The following TENM4 variants were observed in gnomAD, a reference collection of about 807,000 sequenced individuals.
The protein encoded by TENM4 is teneurin-4.
In TENM4, 82 loss-of-function variants were observed where a neutral mutation model predicts 243.3. That is an observed-to-expected ratio of 0.34 (90% CI 0.28 to 0.40). The LOEUF (loss-of-function observed/expected upper bound fraction) is 0.40, where lower values mean the gene tolerates loss of function less well. TENM4 is among the 10% of genes least tolerant of loss of function. The pLI, the probability that TENM4 is intolerant of heterozygous loss-of-function variation, is 1.00. For synonymous variants in TENM4, 1,412 were observed against 1,456.3 expected (o/e 0.97, Z 0.69); for missense variants, 3,138 against 3,673.3 (o/e 0.85, Z 3.77).
At chr11:78,780,492 A>G (rs1004202929) in intron 16 of TENM4, among the ~76,000 whole-genome samples, 9 of 151,672 alleles carry the variant, frequency 5.9e-5, no homozygotes, top group African/African-American at 2.2e-4. Flanking sequence ...GTGAGCCTAG[A>G]TTTTTTTTTC....
At chr11:78,704,113 C>CTA (rs772160605) in intron 27 of TENM4, among the ~76,000 whole-genome samples, 163 of 124,598 alleles carry the variant, frequency 1.3e-3, no homozygotes, top group African/African-American at 3.2e-3. Context: ...GTGTGTGTGT[C>CTA]TATATATATA....
intron 6 of TENM4, among the ~76,000 whole-genome samples, chr11:78,979,687 C>G (rs976022275): frequency 6.6e-6 from 1 of 152,124 alleles, no homozygotes; most frequent in Non-Finnish European, 1.5e-5. Flanking sequence ...ACTCCAAGTA[C>G]TAAGAGTTGA....
chr11:79,362,456 C>T (rs1285035257), intron 1 of TENM4, among the ~76,000 whole-genome samples: 1 of 152,176 alleles, frequency 6.6e-6, no homozygotes, highest in Non-Finnish European at 1.5e-5. Flanking sequence ...TATAATGGAG[C>T]TAAATTGAAG....
At chr11:79,363,299 T>C (rs1857622166) in intron 1 of TENM4, among the ~76,000 whole-genome samples, 1 of 152,220 alleles carries the variant, frequency 6.6e-6, no homozygotes, top group South Asian at 2.1e-4. Context: ...GCCCACTTGC[T>C]CCATCTGCCC....
chr11:79,338,786 G>GTCCCGGCTGGACCTAGGTTCAAAA (rs1857194105), intron 1 of TENM4, among the ~76,000 whole-genome samples: 1 of 152,188 alleles, frequency 6.6e-6, no homozygotes, highest in African/African-American at 2.4e-5. Context: ...TAGGTTCAAA[G>GTCCCGGCTGGACCTAGGTTCAAAA]TCCCAGCTGA....
At chr11:79,388,338 C>G (rs1858159040) in intron 1 of TENM4, among the ~76,000 whole-genome samples, 1 of 152,146 alleles carries the variant, frequency 6.6e-6, no homozygotes, top group Admixed American at 6.5e-5. Context: ...TTTTCAGCAG[C>G]AAAATTCTTC....
At position 78,669,193 on chromosome 11, in the gene TENM4, G is replaced by A. The variant is rs987831715; in HGVS notation, c.7152C>T (p.Ala2384=). The part of the protein sequence containing the change: ...GLMIKQILYT[A]YGEIYMDTNP... ...TGGTATCCATGTAGATCTCCCCATA[G>A]GCTGTGTACAGGATTTGCTTGATCA... Residue 2384 remains alanine, a synonymous_variant, in exon 32 of 34, where the codon GCC becomes GCT. Coordinates refer to ENST00000278550, the MANE Select transcript of TENM4 (RefSeq NM_001098816.3). This position sits in a 1 kb window ranked among gnomAD's most constrained non-coding sequence, Gnocchi z 6.4. 6.2e-7 allele frequency: 1 copy of A among 1,612,522 alleles called. No homozygotes were observed. Among genetic ancestry groups the A allele is most frequent in the African/African-American group, 1.3e-5 (1 of 74,360 alleles).
chr11:78,973,133 T>C (rs1857579441), intron 6 of TENM4, among the ~76,000 whole-genome samples: 1 of 152,280 alleles, frequency 6.6e-6, no homozygotes, highest in Non-Finnish European at 1.5e-5. Context: ...TTATCCATAA[T>C]GCTGCTGCAA....
At position 78,658,659 on chromosome 11, in the gene TENM4, AC is replaced by A; in HGVS notation, c.7708del (p.Val2570SerfsTer5). On this transcript the variant is annotated frameshift_variant, in exon 34 of 34. Coordinates refer to ENST00000278550, the MANE Select transcript of TENM4 (RefSeq NM_001098816.3). LOFTEE classifies it high-confidence loss of function. The stretch of plus-strand genomic sequence containing the variant: ...TCGGCCATCCTTCAAGGCAAACTTG[AC>A]CCCCTTGCCAAAGACTGAGCCGCTG... ...ASSGSVFGKG[V>X]KFALKDGRVT... 1 of 1,613,716 alleles carries A rather than the reference AC, an allele frequency of 6.2e-7. No homozygotes were observed. The highest frequency in any genetic ancestry group is 1.1e-5 in the South Asian group (1 of 91,056).
At chr11:78,782,096 G>A (rs1565376539) in intron 16 of TENM4, among the ~76,000 whole-genome samples, 1 of 152,214 alleles carries the variant, frequency 6.6e-6, no homozygotes, top group South Asian at 2.1e-4. Flanking sequence ...TATACCTCAT[G>A]AGTGATTTGT....
At chr11:79,046,451 C>A (rs972346856) in intron 6 of TENM4, among the ~76,000 whole-genome samples, 2 of 149,234 alleles carry the variant, frequency 1.3e-5, no homozygotes, top group Admixed American at 6.6e-5. Flanking sequence ...AACTCTCCCC[C>A]CCAAAAAAAC....
chr11:79,043,971 C>G (rs565732522), intron 6 of TENM4, among the ~76,000 whole-genome samples: 1 of 152,074 alleles, frequency 6.6e-6, no homozygotes, highest in Non-Finnish European at 1.5e-5. Flanking sequence ...CATATTTTGC[C>G]GGTTTTGCAC....
intron 3 of TENM4, among the ~76,000 whole-genome samples, chr11:79,201,084 A>G (rs1365056303): frequency 6.6e-6 from 1 of 152,216 alleles, no homozygotes; most frequent in East Asian, 1.9e-4. Flanking sequence ...ATTAGGACTC[A>G]TGGACATTAG....
At chr11:78,696,549 G>A (rs1858969081) in intron 28 of TENM4, among the ~76,000 whole-genome samples, 1 of 152,182 alleles carries the variant, frequency 6.6e-6, no homozygotes, top group African/African-American at 2.4e-5. Flanking sequence ...TTGTGAGGGG[G>A]TTTGGGTTAA....
chr11:79,045,830 G>C (rs976910192), intron 6 of TENM4, among the ~76,000 whole-genome samples: 4 of 151,774 alleles, frequency 2.6e-5, no homozygotes, highest in Non-Finnish European at 5.9e-5. Context: ...AATACAACAG[G>C]TATTTGGCAG....
At chr11:78,893,780 T>TACACACACACACACACACAC (rs368536086) in intron 7 of TENM4, among the ~76,000 whole-genome samples, 4,338 of 142,670 alleles carry the variant, frequency 0.03, 135 homozygotes, top group African/African-American at 0.059. Flanking sequence ...GGACTTCACA[T>TACACACACACACACACACAC]ACACACACAC....
chr11:78,845,752 C>A (rs1242411750), intron 12 of TENM4, among the ~76,000 whole-genome samples: 1 of 151,664 alleles, frequency 6.6e-6, no homozygotes, highest in Non-Finnish European at 1.5e-5. Flanking sequence ...CGGGAATGAG[C>A]AACTGCCTTT....
chr11:78,855,535 C>T lies in TENM4; in HGVS notation c.1470+429G>A, dbSNP rs78461736. On this transcript the variant is annotated intron_variant, in intron 11 of 33. Transcript: ENST00000278550. ...TATAAATGTTATTCTTCTTTCTTCA[C>T]AACAGCCCTGCCAAGTGGGTATTGT... Among the ~76,000 whole-genome samples the T allele has an allele frequency of 4.6e-5, 7 of 152,322 alleles. No homozygotes were observed. In the East Asian group the frequency reaches 1.3e-3, roughly 29 times the overall value.
intron 4 of TENM4, among the ~76,000 whole-genome samples, chr11:79,141,662 C>T (rs1862287140): frequency 6.6e-6 from 1 of 151,970 alleles, no homozygotes; most frequent in Non-Finnish European, 1.5e-5. Context: ...TACCCTGATA[C>T]CCAAGCCAGA....
Sources: allele counts gnomAD v4.1 joint callset (sites outside exome capture counted in the v4.1 genomes callset), GRCh38; gene constraint gnomAD v4.1.1; non-coding constraint Gnocchi (gnomAD v3.1); transcripts MANE v1.5; gene names NCBI Gene and HGNC (gene_info 2026-07-23, HGNC 2026-07-21).